Variants in DNAH9 observed in about 807,000 individuals in gnomAD.
DNAH9 encodes the protein DNAH9 variant protein.
Under a neutral mutation model 471.6 loss-of-function variants are expected in DNAH9, and 345 were observed. The observed-to-expected ratio is 0.73, with a 90% CI of 0.67 to 0.80. The LOEUF (loss-of-function observed/expected upper bound fraction) is 0.80, where lower values mean the gene tolerates loss of function less well. DNAH9 is among the 30% of genes least tolerant of loss of function. The pLI, the probability that DNAH9 is intolerant of heterozygous loss-of-function variation, is 0.00. For missense variants in DNAH9, 5,407 were observed against 5,609.2 expected (o/e 0.96, Z 1.15); for synonymous variants, 2,093 against 2,123.6 (o/e 0.99, Z 0.40).
At chr17:11,822,169 G>A in intron 46 of DNAH9, 107 bp downstream of exon 46, 1 of 1,352,034 alleles carries the variant, frequency 7.4e-7, no homozygotes, top group Non-Finnish European at 1.0e-6. Flanking sequence ...TAGAGTAGGT[G>A]GTGAGTGTGC....
In DNAH9 at chr17:11,807,901, G is replaced by C; in HGVS notation, c.8583+7G>C. On this transcript the variant is annotated splice_region_variant and intron_variant, in intron 44 of 68. Coordinates refer to ENST00000262442, the MANE Select transcript of DNAH9 (RefSeq NM_001372.4). ...CCAGATCCAGGACTTCAAGGTAAAA[G>C]GTCAGGCAGCTGCAGGGAGGAGGCT... 1 of 1,595,004 alleles carries C rather than the reference G, an allele frequency of 6.3e-7. No homozygotes were observed. Among genetic ancestry groups the C allele is most frequent in the Non-Finnish European group, 8.6e-7 (1 of 1,164,590 alleles).
chr17:11,795,884 T>C (rs1436623427), intron 42 of DNAH9, among the ~76,000 whole-genome samples: 1 of 152,214 alleles, frequency 6.6e-6, no homozygotes, highest in African/African-American at 2.4e-5. Flanking sequence ...AATGCCAGCC[T>C]GAAGCACCCT....
At position 11,623,426 on chromosome 17, in the gene DNAH9, T is replaced by A. The variant is rs11654826; in HGVS notation, c.1350+3645T>A. 6.6e-6 allele frequency among the ~76,000 whole-genome samples: 1 copy of A among 151,862 alleles called. No individual in the cohort carries two copies. The highest frequency in any genetic ancestry group is 2.4e-5 in the African/African-American group (1 of 41,260). ...CCCTGAATTTCCATGTGTTTTCATCTTCCCACGGCTACTCCTTGCCCCTTT... is the reference window on the plus strand; with the variant it reads ...CCCTGAATTTCCATGTGTTTTCATCATCCCACGGCTACTCCTTGCCCCTTT... On this transcript the variant is annotated intron_variant, in intron 6 of 68. Coordinates refer to ENST00000262442, the MANE Select transcript of DNAH9 (RefSeq NM_001372.4). This position sits in a 1 kb window ranked among gnomAD's most constrained non-coding sequence, Gnocchi z 4.1.
chr17:11,956,634 A>G (rs1975654904), intron 67 of DNAH9, among the ~76,000 whole-genome samples: 1 of 152,160 alleles, frequency 6.6e-6, no homozygotes, highest in Non-Finnish European at 1.5e-5. Context: ...TGACTATAGC[A>G]TAATTGAACT....
intron 10 of DNAH9, 91 bp from the exon 11 acceptor site, chr17:11,644,540 A>C (rs1221729181): frequency 1.1e-6 from 1 of 916,494 alleles, no homozygotes; most frequent in Non-Finnish European, 1.7e-6. Flanking sequence ...GGAGCTATTC[A>C]CGCTCTTCTT....
intron 54 of DNAH9, 38 bp from the exon 55 acceptor site, chr17:11,881,171 G>A: frequency 1.2e-6 from 2 of 1,608,910 alleles, no homozygotes; most frequent in Non-Finnish European, 1.7e-6. Context: ...AATTTTGCAG[G>A]AAGGCACCTT....
chr17:11,916,572 A>T (rs1181895624), intron 61 of DNAH9, among the ~76,000 whole-genome samples: 1 of 152,188 alleles, frequency 6.6e-6, no homozygotes, highest in East Asian at 1.9e-4. Context: ...GCTGATCTAA[A>T]CATTTTCCCC....
chr17:11,704,912 T>G, intron 25 of DNAH9, 113 bp from the exon 26 acceptor site: 1 of 845,126 alleles, frequency 1.2e-6, no homozygotes, highest in Non-Finnish European at 2.0e-6. Context: ...CACAGCATGC[T>G]GCACACTTTA....
At chr17:11,883,124 T>A in intron 55 of DNAH9, 3 of 990,274 alleles carry the variant, frequency 3.0e-6, no homozygotes, top group Non-Finnish European at 2.4e-6. Context: ...TCTGCCATGG[T>A]TTTACACAGT....
rs561535901 is a variant in DNAH9, at chr17:11,608,697, T to C, written c.614+372T>C. On this transcript the variant is annotated intron_variant, in intron 2 of 68. Coordinates refer to ENST00000262442, the MANE Select transcript of DNAH9 (RefSeq NM_001372.4). ...GAGGCAGGCATGCCTCTTCCCAGTG[T>C]TTACTCAGTACATAATGTCACAGAA... Among the ~76,000 whole-genome samples the C allele has an allele frequency of 2.1e-3, 316 of 152,294 alleles. 9 individuals carry two copies. The South Asian group carries it at 0.064, about 31-fold the overall frequency.
At chr17:11,813,860 AT>A (rs1970004129) in intron 45 of DNAH9, among the ~76,000 whole-genome samples, 1 of 152,232 alleles carries the variant, frequency 6.6e-6, no homozygotes. Flanking sequence ...ACATGAAGAA[AT>A]CTTACACACA....
intron 50 of DNAH9, among the ~76,000 whole-genome samples, chr17:11,860,467 A>T (rs1414536115): frequency 6.6e-6 from 1 of 152,228 alleles, no homozygotes; most frequent in East Asian, 1.9e-4. Flanking sequence ...CGTAAACTGA[A>T]CTAACAGTTT....
In DNAH9 at chr17:11,669,413, C is replaced by T. The variant is rs1438127813; in HGVS notation, c.2972C>T (p.Thr991Ile). The change falls in exon 17 of 69, where the codon ACA becomes ATA. Residue 991 changes from threonine (T) to isoleucine (I), a missense_variant. Thr to Ile is a moderately conservative substitution (Grantham distance 89, BLOSUM62 -1). This residue lies in a region of DNAH9 where 4,636 missense variants were observed against 4,900.3 expected (regional missense o/e 0.95). Transcript: ENST00000262442. ...CCAGATTTGGCAAACATGCGGCGCA[C>T]ACTCATGGAGAGAGTCCAGAGAATG... The part of the protein sequence containing the change: ...GIPDLANMRR[T>I]LMERVQRMMG... 6.2e-7 allele frequency: 1 copy of T among 1,613,910 alleles called. No homozygotes were observed. Among genetic ancestry groups the T allele is most frequent in the South Asian group, 1.1e-5 (1 of 91,016 alleles).
chr17:11,720,770 T>C (rs1030933462), intron 27 of DNAH9, among the ~76,000 whole-genome samples: 2 of 152,178 alleles, frequency 1.3e-5, no homozygotes, highest in Non-Finnish European at 2.9e-5. Flanking sequence ...TTTTCTCGTG[T>C]TAAGTAAACA....
At chr17:11,959,690 T>C (rs1975916255) in intron 67 of DNAH9, among the ~76,000 whole-genome samples, 1 of 152,222 alleles carries the variant, frequency 6.6e-6, no homozygotes, top group Non-Finnish European at 1.5e-5. Flanking sequence ...TTGAAAGTGA[T>C]AAATGTTGGT....
At chr17:11,781,682 A>G (rs1968670687) in intron 39 of DNAH9, among the ~76,000 whole-genome samples, 1 of 152,038 alleles carries the variant, frequency 6.6e-6, no homozygotes, top group Non-Finnish European at 1.5e-5. Flanking sequence ...AAATACAAAA[A>G]TTAGCCAGGC....
At chr17:11,668,248 C>T (rs748511756) in intron 15 of DNAH9, among the ~76,000 whole-genome samples, 83 of 152,178 alleles carry the variant, frequency 5.5e-4, no homozygotes, top group Non-Finnish European at 2.4e-4. Flanking sequence ...TGTAATTTCT[C>T]TTTGTGGTTC....
intron 26 of DNAH9, among the ~76,000 whole-genome samples, chr17:11,710,023 G>T (rs2074802634): frequency 6.6e-6 from 1 of 152,044 alleles, no homozygotes; most frequent in Non-Finnish European, 1.5e-5. Flanking sequence ...AATTTGGAAA[G>T]GTTAGTATTC....
In DNAH9 at chr17:11,700,515, T is replaced by C. The variant is rs891555906; in HGVS notation, c.5026-607T>C. Reference sequence around the variant, plus strand: ...ATAAATATAAGCCTTTCTTTATTTATTTATCGTCTGAAATGATCCAGCAAA... The same window carrying C: ...ATAAATATAAGCCTTTCTTTATTTACTTATCGTCTGAAATGATCCAGCAAA... On this transcript the variant is annotated intron_variant, in intron 23 of 68. Transcript: ENST00000262442. Among the ~76,000 whole-genome samples the C allele has an allele frequency of 1.3e-5, 2 of 152,144 alleles. 1 individual carries two copies. The highest frequency in any genetic ancestry group is 2.9e-5 in the Non-Finnish European group (2 of 68,028).
Sources: allele counts gnomAD v4.1 joint callset (sites outside exome capture counted in the v4.1 genomes callset), GRCh38; gene constraint gnomAD v4.1.1; regional missense constraint gnomAD v4.1.1; non-coding constraint Gnocchi (gnomAD v3.1); transcripts MANE v1.5; gene names NCBI Gene and HGNC (gene_info 2026-07-23, HGNC 2026-07-21).